The following EDF1 variants were observed in gnomAD, a reference collection of about 807,000 sequenced individuals.
The protein encoded by EDF1 is endothelial differentiation-related factor 1.
A neutral mutation model predicts 20.8 loss-of-function variants in EDF1; 5 were observed. The ratio of observed to expected loss-of-function variants is 0.24; its 90% CI spans 0.13 to 0.51. The LOEUF is 0.51. EDF1 is among the 20% of genes least tolerant of loss of function. EDF1 has a pLI of 0.97. For missense variants in EDF1, 137 were observed against 197.8 expected (o/e 0.69, Z 1.84); for synonymous variants, 96 against 78.5 (o/e 1.22, Z -1.18).
At chr9:136,865,599 G>C (rs1849201153) in intron 1 of EDF1, among the ~76,000 whole-genome samples, 1 of 150,402 alleles carries the variant, frequency 6.6e-6, no homozygotes, top group African/African-American at 2.5e-5. Flanking sequence ...TTCATCGCTG[G>C]TTCCTGCTGC....
Position 136,862,796 on chromosome 9 carries a change from G to A in EDF1, c.385+110C>T. 1.2e-6 allele frequency: 2 copies of A among 1,608,508 alleles called. No homozygotes were observed. On this transcript the variant is annotated intron_variant, in intron 4 of 4. Coordinates refer to ENST00000224073, the MANE Select transcript of EDF1 (RefSeq NM_003792.4). This position sits in a 1 kb window ranked among gnomAD's most constrained non-coding sequence, Gnocchi z 4.1. ...CAAAGCTCCAGAATTCAGAGAACAG[G>A]GGACCCCCAGGGCCATCTTCTTCCC...
At position 136,862,282 on chromosome 9, in the gene EDF1, G is replaced by A. The variant is rs1378251433; in HGVS notation, c.*2C>T. 1.2e-6 allele frequency: 2 copies of A among 1,613,880 alleles called. No homozygotes were observed. The highest frequency in any genetic ancestry group is 8.5e-7 in the Non-Finnish European group (1 of 1,180,002). ...GAGCGCACTGATTTCGAGGCTTTGT[G>A]TTCATTTCGCCCTAGGCCCCTTCTC... On this transcript the variant is annotated 3_prime_UTR_variant, in exon 5 of 5. Transcript: ENST00000224073. This position sits in a 1 kb window ranked among gnomAD's most constrained non-coding sequence, Gnocchi z 4.1.
At position 136,863,321 on chromosome 9, in the gene EDF1, C is replaced by T. The variant is rs567713346; in HGVS notation, c.258G>A (p.Gln86=). The T allele has an allele frequency of 1.9e-6, 3 of 1,613,926 alleles. No individual in the cohort carries two copies. The East Asian group carries it at 6.7e-5, about 36-fold the overall frequency. Residue 86 remains glutamine (Q), a synonymous_variant, in exon 3 of 5, where the codon CAG becomes CAA. Coordinates refer to ENST00000224073, the MANE Select transcript of EDF1 (RefSeq NM_003792.4). This position sits in a 1 kb window ranked among gnomAD's most constrained non-coding sequence, Gnocchi z 4.5. The part of the protein sequence containing the change: ...EVGKVIQQGR[Q]SKGLTQKDLA... ...GGTCCTTCTGCGTAAGCCCCTTGCT[C>T]TGCCGACCTTGCTGGATCACCTTGC... is the stretch of plus-strand genomic sequence containing the variant.
At position 136,863,745 on chromosome 9, in the gene EDF1, C is replaced by T. The variant is rs1217424567; in HGVS notation, c.130+75G>A. On this transcript the variant is annotated intron_variant, in intron 2 of 4. Coordinates refer to ENST00000224073, the MANE Select transcript of EDF1 (RefSeq NM_003792.4). The surrounding 1 kb of genome is among the most constrained non-coding windows in gnomAD (Gnocchi z 4.5). ...CAGCTGACAACGTCCCCGGGGGCGCCGCACACACCACACCCACCAGCACAT... is the reference window on the plus strand; with the variant it reads ...CAGCTGACAACGTCCCCGGGGGCGCTGCACACACCACACCCACCAGCACAT... 12 of 1,567,914 alleles carry T rather than the reference C, an allele frequency of 7.7e-6. No individual in the cohort carries two copies. The highest frequency in any genetic ancestry group is 1.7e-4 in the Middle Eastern group (1 of 5,994).
In EDF1 at chr9:136,863,410, T is replaced by C; in HGVS notation, c.169A>G (p.Asn57Asp). 6.2e-7 allele frequency: 1 copy of C among 1,614,144 alleles called. No homozygotes were observed. The highest frequency in any genetic ancestry group is 8.5e-7 in the Non-Finnish European group (1 of 1,180,000). Residue 57 changes from asparagine (N) to aspartate (D), a missense_variant, in exon 3 of 5, where the codon AAC becomes GAC. By Grantham distance (23) the Asn-to-Asp change is conservative (BLOSUM62 1). Coordinates refer to ENST00000224073, the MANE Select transcript of EDF1 (RefSeq NM_003792.4). The surrounding 1 kb of genome is among the most constrained non-coding windows in gnomAD (Gnocchi z 4.5). ...GQNKQHSITKNTAKLDRETEE... is the reference protein window; with the variant it reads ...GQNKQHSITKDTAKLDRETEE... Reference sequence around the variant, plus strand: ...GTCTCCCGGTCCAGCTTGGCCGTGTTCTTGGTAATAGAATGTTGTTTGTTC... The same window carrying C: ...GTCTCCCGGTCCAGCTTGGCCGTGTCCTTGGTAATAGAATGTTGTTTGTTC...
Position 136,862,621 on chromosome 9 carries a change from C to A in EDF1, c.386-276G>T. On this transcript the variant is annotated intron_variant, in intron 4 of 4. Transcript: ENST00000224073. This position sits in a 1 kb window ranked among gnomAD's most constrained non-coding sequence, Gnocchi z 4.1. Reference sequence around the variant, plus strand: ...CGGCCCCATGCTGACAGGGCCCGGACCCGCTGTGCTCAGGCTCAGAGAACC... The same window carrying A: ...CGGCCCCATGCTGACAGGGCCCGGAACCGCTGTGCTCAGGCTCAGAGAACC... 6.6e-7 allele frequency: 1 copy of A among 1,521,304 alleles called. No individual in the cohort carries two copies. The allele number at this position is 1,521,304 out of a possible 1,614,324, so 94.2% of individuals were successfully genotyped here.
chr9:136,865,701 C>T (rs912467760), intron 1 of EDF1, among the ~76,000 whole-genome samples: 17 of 150,578 alleles, frequency 1.1e-4, no homozygotes, highest in African/African-American at 4.2e-4. Context: ...TGCCCCCGTT[C>T]CCAGTGCCCA....
Position 136,863,972 on chromosome 9 carries a change from A to C in EDF1, c.79-101T>G. 2 of 1,262,638 alleles carry C rather than the reference A, an allele frequency of 1.6e-6. No individual in the cohort carries two copies. Among genetic ancestry groups the C allele is most frequent in the Middle Eastern group, 1.9e-4 (1 of 5,382 alleles). The allele number at this position is 1,262,638 out of a possible 1,614,324, so 78.2% of individuals were successfully genotyped here. On this transcript the variant is annotated intron_variant, in intron 1 of 4. Coordinates refer to ENST00000224073, the MANE Select transcript of EDF1 (RefSeq NM_003792.4). The surrounding 1 kb of genome is among the most constrained non-coding windows in gnomAD (Gnocchi z 4.5). ...TTAGCCAGTTAGCACACTGCTAAGG[A>C]CTAGTGGTGCCCAAGGACTGATATG...
chr9:136,862,479 C>T lies in EDF1; in HGVS notation c.386-134G>A. 6.2e-7 allele frequency: 1 copy of T among 1,612,864 alleles called. No individual in the cohort carries two copies. Among genetic ancestry groups the T allele is most frequent in the Middle Eastern group, 1.7e-4 (1 of 6,060 alleles). ...CCTCACTGGGCTCTCAGCACACGAG[C>T]ACTCCTGGTTCCCACATCTAATTTT... is the stretch of plus-strand genomic sequence containing the variant. On this transcript the variant is annotated intron_variant, in intron 4 of 4. Transcript: ENST00000224073. The surrounding 1 kb of genome is among the most constrained non-coding windows in gnomAD (Gnocchi z 4.1).
rs1157808699 is a variant in EDF1 at position 136,862,392 on chromosome 9, T to TC, written c.386-48dup. 1 of 1,613,248 alleles carries TC rather than the reference T, an allele frequency of 6.2e-7. No individual in the cohort carries two copies. The highest frequency in any genetic ancestry group is 8.5e-7 in the Non-Finnish European group (1 of 1,179,882). ...GGCCACTGCAGCACCAGCTCCCTCC[T>TC]CCCCCCAACGCTGCCCCTCTTCAAC... On this transcript the variant is annotated intron_variant, in intron 4 of 4. Transcript: ENST00000224073. This position sits in a 1 kb window ranked among gnomAD's most constrained non-coding sequence, Gnocchi z 4.1.
In EDF1 at chr9:136,862,556, CG is replaced by C. The variant is rs1253192349; in HGVS notation, c.386-212del. The C allele has an allele frequency of 6.3e-7, 1 of 1,587,520 alleles. No individual in the cohort carries two copies. Among genetic ancestry groups the C allele is most frequent in the African/African-American group, 1.3e-5 (1 of 74,564 alleles). On this transcript the variant is annotated intron_variant, in intron 4 of 4. Coordinates refer to ENST00000224073, the MANE Select transcript of EDF1 (RefSeq NM_003792.4). This position sits in a 1 kb window ranked among gnomAD's most constrained non-coding sequence, Gnocchi z 4.1. ...ACAGCAGAGCATGAACACCCCTCTC[CG>C]GAAGAACCGGAGCCGGGGTCCTCTG...
chr9:136,862,208 G>A lies in EDF1; in HGVS notation c.*76C>T. The A allele has an allele frequency of 6.3e-7, 1 of 1,588,950 alleles. No individual in the cohort carries two copies. Among genetic ancestry groups the A allele is most frequent in the Admixed American group, 1.7e-5 (1 of 59,750 alleles). On this transcript the variant is annotated 3_prime_UTR_variant, in exon 5 of 5. Transcript: ENST00000224073. The surrounding 1 kb of genome is among the most constrained non-coding windows in gnomAD (Gnocchi z 4.1). ...ACCCCTTGTTCCGTTCGGCCCGTGAGGAGAACGGAACTGGCGGCCAAGGGG... is the reference window on the plus strand; with the variant it reads ...ACCCCTTGTTCCGTTCGGCCCGTGAAGAGAACGGAACTGGCGGCCAAGGGG...
chr9:136,862,430 A>C lies in EDF1; in HGVS notation c.386-85T>G. The C allele has an allele frequency of 6.2e-7, 1 of 1,613,638 alleles. No individual in the cohort carries two copies. Among genetic ancestry groups the C allele is most frequent in the Non-Finnish European group, 8.5e-7 (1 of 1,179,946 alleles). On this transcript the variant is annotated intron_variant, in intron 4 of 4. Coordinates refer to ENST00000224073, the MANE Select transcript of EDF1 (RefSeq NM_003792.4). The surrounding 1 kb of genome is among the most constrained non-coding windows in gnomAD (Gnocchi z 4.1). ...GCCCCTCTTCAACATCTTCCCAGGG[A>C]AGGGGGGCCACGCCGCTCCCGTGCC...
chr9:136,862,195 G>T lies in EDF1; in HGVS notation c.*89C>A. 6.4e-7 allele frequency: 1 copy of T among 1,554,762 alleles called. No homozygotes were observed. The highest frequency in any genetic ancestry group is 8.9e-7 in the Non-Finnish European group (1 of 1,128,128). Reference sequence around the variant, plus strand: ...CCCCGCAAGCTGGACCCCTTGTTCCGTTCGGCCCGTGAGGAGAACGGAACT... The same window carrying T: ...CCCCGCAAGCTGGACCCCTTGTTCCTTTCGGCCCGTGAGGAGAACGGAACT... On this transcript the variant is annotated 3_prime_UTR_variant, in exon 5 of 5. Coordinates refer to ENST00000224073, the MANE Select transcript of EDF1 (RefSeq NM_003792.4). The surrounding 1 kb of genome is among the most constrained non-coding windows in gnomAD (Gnocchi z 4.1).
At position 136,866,282 on chromosome 9, in the gene EDF1, C is replaced by G; in HGVS notation, c.-24G>C. ...ATGGCGGGCGAAGACGAGCGTCCGT[C>G]CGGCGGCTCAGCGGCAGCTGCTAGA... On this transcript the variant is annotated 5_prime_UTR_variant, in exon 1 of 5. Transcript: ENST00000224073. 1.9e-6 allele frequency: 3 copies of G among 1,592,764 alleles called. No individual in the cohort carries two copies. The highest frequency in any genetic ancestry group is 2.6e-6 in the Non-Finnish European group (3 of 1,173,534).
At position 136,863,332 on chromosome 9, in the gene EDF1, G is replaced by C; in HGVS notation, c.247C>G (p.Gln83Glu). ...GTAAGCCCCTTGCTCTGCCGACCTT[G>C]CTGGATCACCTTGCCCACCTCCAGG... ...VTLEVGKVIQQGRQSKGLTQK... is the reference protein window; with the variant it reads ...VTLEVGKVIQEGRQSKGLTQK... The change falls in exon 3 of 5, where the codon CAA becomes GAA. Residue 83 changes from glutamine to glutamate, a missense_variant. Gln to Glu is a conservative substitution (Grantham distance 29). Coordinates refer to ENST00000224073, the MANE Select transcript of EDF1 (RefSeq NM_003792.4). This position sits in a 1 kb window ranked among gnomAD's most constrained non-coding sequence, Gnocchi z 4.5. The C allele has an allele frequency of 6.2e-7, 1 of 1,613,974 alleles. No homozygotes were observed.
At chr9:136,866,067 T>C (rs1279379959) in intron 1 of EDF1, 114 bp downstream of exon 1, 6 of 672,082 alleles carry the variant, frequency 8.9e-6, no homozygotes, top group Non-Finnish European at 9.7e-6. Flanking sequence ...CCCCGTCCCC[T>C]GCGCCCTGTC....
In EDF1 at chr9:136,866,160, G is replaced by T. The variant is rs200248777; in HGVS notation, c.78+21C>A. ...AGCGTCCGCCCCGCCCGGCCCGGCC[G>T]CTCCTCAGTCAGCAAAGCACCTGCT... On this transcript the variant is annotated intron_variant, in intron 1 of 4. Transcript: ENST00000224073. 4.7e-4 allele frequency: 738 copies of T among 1,586,902 alleles called. 2 individuals are homozygous for T. Among genetic ancestry groups the T allele is most frequent in the Middle Eastern group, 1.3e-3 (8 of 5,994 alleles).
intron 1 of EDF1, among the ~76,000 whole-genome samples, chr9:136,864,463 G>C (rs1849175316): frequency 6.6e-6 from 1 of 151,980 alleles, no homozygotes; most frequent in Non-Finnish European, 1.5e-5. Flanking sequence ...AAAGTAGGAA[G>C]GAACACCAAA....
Sources: allele counts gnomAD v4.1 joint callset (sites outside exome capture counted in the v4.1 genomes callset), GRCh38; gene constraint gnomAD v4.1.1; non-coding constraint Gnocchi (gnomAD v3.1); transcripts MANE v1.5; gene names NCBI Gene and HGNC (gene_info 2026-07-23, HGNC 2026-07-21).